ZFPM2: variants seen among roughly 807,000 people sequenced by gnomAD.
The protein encoded by ZFPM2 is zinc finger protein, FOG family member 2.
A neutral mutation model predicts 98.6 loss-of-function variants in ZFPM2; 20 were observed. That is an observed-to-expected ratio of 0.20 (90% confidence interval 0.14 to 0.29). The LOEUF (loss-of-function observed/expected upper bound fraction) is 0.29, where lower values mean the gene tolerates loss of function less well. Among genes scored for constraint, ZFPM2 ranks in the 10% least tolerant of loss-of-function variants. The pLI is 1.00. For missense variants in ZFPM2, 1,310 were observed against 1,388.6 expected (o/e 0.94, Z 0.90); for synonymous variants, 518 against 502.7 (o/e 1.03, Z -0.41).
intron 5 of ZFPM2, among the ~76,000 whole-genome samples, chr8:105,685,581 T>TC (rs1205033046): frequency 2.0e-5 from 3 of 152,054 alleles, no homozygotes; most frequent in Non-Finnish European, 4.4e-5. Context: ...GACTTTTTTT[T>TC]CCCAGCAATG....
intron 7 of ZFPM2, among the ~76,000 whole-genome samples, chr8:105,800,042 A>G (rs1813954083): frequency 6.6e-6 from 1 of 152,182 alleles, no homozygotes. Flanking sequence ...TCAGATGGTG[A>G]GTAAGGTCAT....
chr8:105,759,304 A>C (rs1172129370), intron 5 of ZFPM2, among the ~76,000 whole-genome samples: 1 of 152,124 alleles, frequency 6.6e-6, no homozygotes, highest in Non-Finnish European at 1.5e-5. Flanking sequence ...ACAGTATTGC[A>C]TGCCATATGC....
intron 1 of ZFPM2, among the ~76,000 whole-genome samples, chr8:105,398,427 T>C (rs1435245824): frequency 1.3e-5 from 2 of 152,222 alleles, no homozygotes; most frequent in African/African-American, 2.4e-5. Context: ...TGATGGATTT[T>C]GCTAAACGAT....
At chr8:105,355,916 G>C (rs903481541) in intron 1 of ZFPM2, among the ~76,000 whole-genome samples, 2 of 152,148 alleles carry the variant, frequency 1.3e-5, no homozygotes, top group African/African-American at 4.8e-5. Flanking sequence ...GTAATGAACT[G>C]GTGAAAATGT....
In ZFPM2 at chr8:105,401,347, A is replaced by G. The variant is rs1200270639; in HGVS notation, c.41-17797A>G. Reference sequence around the variant, plus strand: ...TGATTTTGTGCTTAATGTATTTTCAAGTTTGTTAGTATAACATTCTGCTTG... The same window carrying G: ...TGATTTTGTGCTTAATGTATTTTCAGGTTTGTTAGTATAACATTCTGCTTG... On this transcript the variant is annotated intron_variant, in intron 1 of 7. Coordinates refer to ENST00000407775, the MANE Select transcript of ZFPM2 (RefSeq NM_012082.4). Among the ~76,000 whole-genome samples, 4 of 152,016 alleles carry G rather than the reference A, an allele frequency of 2.6e-5. No homozygotes were observed. The East Asian group carries it at 5.8e-4, about 22-fold the overall frequency.
At chr8:105,409,306 A>G (rs548380931) in intron 1 of ZFPM2, among the ~76,000 whole-genome samples, 4 of 152,026 alleles carry the variant, frequency 2.6e-5, no homozygotes, top group African/African-American at 7.2e-5. Context: ...TCTTTAGTAA[A>G]ACAACATCCT....
chr8:105,422,069 A>T (rs1759559363), intron 2 of ZFPM2, among the ~76,000 whole-genome samples: 2 of 149,762 alleles, frequency 1.3e-5, no homozygotes, highest in East Asian at 2.0e-4. Flanking sequence ...AAAAAAAAAA[A>T]GGTAGAAGTA....
At chr8:105,511,269 T>C (rs555803698) in intron 3 of ZFPM2, among the ~76,000 whole-genome samples, 1 of 152,344 alleles carries the variant, frequency 6.6e-6, no homozygotes, top group Non-Finnish European at 1.5e-5. Context: ...TTCTATCTTA[T>C]AGACAAATCT....
intron 1 of ZFPM2, among the ~76,000 whole-genome samples, chr8:105,354,951 C>A (rs1812713150): frequency 6.6e-6 from 1 of 151,612 alleles, no homozygotes; most frequent in South Asian, 2.1e-4. Context: ...AAGACTCTGT[C>A]TCAAAAGAAA....
chr8:105,470,538 G>A (rs1037136932), intron 3 of ZFPM2, among the ~76,000 whole-genome samples: 16 of 152,160 alleles, frequency 1.1e-4, no homozygotes, highest in Admixed American at 3.3e-4. Context: ...CACTTTGGGA[G>A]GCTTAGGTGG....
Position 105,431,923 on chromosome 8 carries a change from A to AAAAAAAAAAAAAG in ZFPM2, c.200-12351_200-12350insAAAAAAGAAAAAA, listed in dbSNP as rs550104020. Among the ~76,000 whole-genome samples the AAAAAAAAAAAAAG allele has an allele frequency of 7.1e-3, 1,075 of 151,606 alleles. 31 individuals are homozygous for AAAAAAAAAAAAAG. The highest frequency in any genetic ancestry group is 0.025 in the African/African-American group (1,012 of 41,042). On this transcript the variant is annotated intron_variant, in intron 2 of 7. Coordinates refer to ENST00000407775, the MANE Select transcript of ZFPM2 (RefSeq NM_012082.4). ...GGTGACAGAGCAAGACTGTGTCTCAAAAAAAAGAAAAAGAATGTGACACTT... is the reference window on the plus strand; with the variant it reads ...GGTGACAGAGCAAGACTGTGTCTCAAAAAAAAAAAAAAGAAAAAAGAAAAAGAATGTGACACTT...
At chr8:105,717,622 C>T (rs1811555725) in intron 5 of ZFPM2, among the ~76,000 whole-genome samples, 2 of 141,688 alleles carry the variant, frequency 1.4e-5, no homozygotes, top group Non-Finnish European at 3.1e-5. Context: ...TTTGGTAATA[C>T]ATTTTGAACT....
chr8:105,533,981 C>G (rs1226513977), intron 3 of ZFPM2, among the ~76,000 whole-genome samples: 1 of 38,060 alleles, frequency 2.6e-5, no homozygotes, highest in Non-Finnish European at 4.7e-5. Flanking sequence ...TCCTCCCTCC[C>G]TCCTTCCCTC....
chr8:105,505,330 C>A (rs2130486511), intron 3 of ZFPM2, among the ~76,000 whole-genome samples: 1 of 152,174 alleles, frequency 6.6e-6, no homozygotes, highest in African/African-American at 2.4e-5. Flanking sequence ...TGTAAAAAGA[C>A]CAGCAATAGG....
chr8:105,423,234 C>A (rs1811839560), intron 2 of ZFPM2, among the ~76,000 whole-genome samples: 1 of 152,046 alleles, frequency 6.6e-6, no homozygotes, highest in Non-Finnish European at 1.5e-5. Context: ...TATATAAGTC[C>A]ATCTCAGAGA....
chr8:105,564,388 CA>C (rs553670145), intron 4 of ZFPM2, among the ~76,000 whole-genome samples: 284 of 152,038 alleles, frequency 1.9e-3, no homozygotes, highest in African/African-American at 6.4e-3. Context: ...TTAGTTGCCT[CA>C]CTAAAATATA....
intron 3 of ZFPM2, among the ~76,000 whole-genome samples, chr8:105,490,580 G>A (rs1036005210): frequency 1.3e-5 from 2 of 152,158 alleles, no homozygotes; most frequent in African/African-American, 4.8e-5. Flanking sequence ...GGTTATCAAT[G>A]TTATATTTAA....
At chr8:105,502,347 T>C (rs1355802088) in intron 3 of ZFPM2, among the ~76,000 whole-genome samples, 1 of 152,088 alleles carries the variant, frequency 6.6e-6, no homozygotes, top group Non-Finnish European at 1.5e-5. Flanking sequence ...GCAATCAAAA[T>C]GTAGAAATTG....
intron 5 of ZFPM2, among the ~76,000 whole-genome samples, chr8:105,712,366 T>C (rs1811421204): frequency 6.6e-6 from 1 of 151,944 alleles, no homozygotes; most frequent in African/African-American, 2.4e-5. Flanking sequence ...CATAAACAAA[T>C]AAACAAGTAA....
Sources: allele counts gnomAD v4.1 joint callset (sites outside exome capture counted in the v4.1 genomes callset), GRCh38; gene constraint gnomAD v4.1.1; transcripts MANE v1.5; gene names NCBI Gene and HGNC (gene_info 2026-07-23, HGNC 2026-07-21).